KNTC1: variants seen among roughly 807,000 people sequenced by gnomAD.
The protein encoded by KNTC1 is kinetochore associated 1.
A neutral mutation model predicts 314.4 loss-of-function variants in KNTC1; 253 were observed. The ratio of observed to expected loss-of-function variants is 0.80; its 90% CI spans 0.73 to 0.89. The LOEUF (loss-of-function observed/expected upper bound fraction) is 0.89. KNTC1 is among the 40% of genes least tolerant of loss of function. The pLI is 0.00. For missense variants in KNTC1, 2,475 were observed against 2,572.9 expected (o/e 0.96, Z 0.82); for synonymous variants, 901 against 901.4 (o/e 1.00, Z 0.01).
intron 18 of KNTC1, among the ~76,000 whole-genome samples, chr12:122,561,431 G>C (rs1006678748): frequency 6.6e-6 from 1 of 151,922 alleles, no homozygotes; most frequent in Non-Finnish European, 1.5e-5. Context: ...TGACCTATGA[G>C]TATTTTTGCT....
rs1396685797 is a variant in KNTC1 at position 122,546,250 on chromosome 12, T to C, written c.744T>C (p.Ile248=). 6.3e-7 allele frequency: 1 copy of C among 1,582,386 alleles called. No individual in the cohort carries two copies. Residue 248 remains isoleucine, a synonymous_variant, in exon 9 of 64, where the codon ATT becomes ATC. Transcript: ENST00000333479. Reference sequence around the variant, plus strand: ...AAGGAATGACAGTTAAGAACCTTATTGATGCAGAGATTATTAAAGGTAAAA... The same window carrying C: ...AAGGAATGACAGTTAAGAACCTTATCGATGCAGAGATTATTAAAGGTAAAA... The part of the protein sequence containing the change: ...SKKGMTVKNL[I]DAEIIKGAKK...
At chr12:122,600,696 G>A (rs527290344) in intron 44 of KNTC1, among the ~76,000 whole-genome samples, 2 of 150,858 alleles carry the variant, frequency 1.3e-5, no homozygotes, top group South Asian at 2.1e-4. Context: ...GACATAGTCT[G>A]GTTCTTTTGT....
Position 122,591,465 on chromosome 12 carries a change from T to G in KNTC1, c.4245+12T>G. The G allele has an allele frequency of 8.1e-7, 1 of 1,240,140 alleles. No individual in the cohort carries two copies. The highest frequency in any genetic ancestry group is 1.2e-5 in the South Asian group (1 of 81,710). 76.8% of individuals were successfully genotyped at this position (1,240,140 alleles called of 1,614,324 possible). On this transcript the variant is annotated intron_variant, in intron 42 of 63. Coordinates refer to ENST00000333479, the MANE Select transcript of KNTC1 (RefSeq NM_014708.6). ...TTGGTAAACTTGGTGTGAGTATTCT[T>G]TGTACTGCTGTCATCGATTCTGTTA...
At chr12:122,622,113 C>G (rs1219104885) in intron 61 of KNTC1, 143 bp downstream of exon 61, 3 of 714,418 alleles carry the variant, frequency 4.2e-6, no homozygotes, top group Non-Finnish European at 7.1e-6. Context: ...ACTAAAACCT[C>G]AGTAAATTTT....
rs923775296 is a variant in KNTC1, at chr12:122,543,208, C to T, written c.524-392C>T. On this transcript the variant is annotated intron_variant, in intron 6 of 63. Coordinates refer to ENST00000333479, the MANE Select transcript of KNTC1 (RefSeq NM_014708.6). The stretch of plus-strand genomic sequence containing the variant: ...GATTGTAGGCATGAGCCACTGCGCC[C>T]GGCCTAAGTGATATTTTTAAAATAC... Among the ~76,000 whole-genome samples the T allele has an allele frequency of 3.3e-5, 5 of 152,198 alleles. No homozygotes were observed. The East Asian group carries it at 5.8e-4, about 18-fold the overall frequency.
intron 50 of KNTC1, 68 bp downstream of exon 50, chr12:122,605,155 T>C: frequency 7.4e-7 from 1 of 1,355,128 alleles, no homozygotes; most frequent in Non-Finnish European, 1.0e-6. Flanking sequence ...TTTATGTATA[T>C]ATGTACGTGT....
intron 39 of KNTC1, 142 bp downstream of exon 39, chr12:122,588,016 G>A: frequency 1.5e-6 from 1 of 677,850 alleles, no homozygotes; most frequent in Non-Finnish European, 2.3e-6. Flanking sequence ...CATTTGTTGA[G>A]CATCTCTAAG....
At position 122,557,652 on chromosome 12, in the gene KNTC1, A is replaced by T. The variant is rs777792491; in HGVS notation, c.1451A>T (p.Glu484Val). The T allele has an allele frequency of 6.2e-7, 1 of 1,613,456 alleles. No individual in the cohort carries two copies. ...YCLKAQWITY[E>V]TTQEMLNYAK... ...CTGAAAGCTCAGTGGATAACCTATGAAACCACTCAAGAGATGCTGAATTAT... is the reference window on the plus strand; with the variant it reads ...CTGAAAGCTCAGTGGATAACCTATGTAACCACTCAAGAGATGCTGAATTAT... The change falls in exon 18 of 64, where the codon GAA (glutamate) becomes GTA (valine). Residue 484 changes from glutamate (E) to valine (V), a missense_variant. By Grantham distance (121) the Glu-to-Val change is moderately radical (BLOSUM62 -2). Coordinates refer to ENST00000333479, the MANE Select transcript of KNTC1 (RefSeq NM_014708.6).
At chr12:122,527,506 T>G (rs1025510344) in intron 1 of KNTC1, 155 bp downstream of exon 1, 7 of 152,578 alleles carry the variant, frequency 4.6e-5, no homozygotes, top group African/African-American at 1.7e-4. Context: ...GCGGAGAGCG[T>G]TTAAGTATGG....
intron 5 of KNTC1, among the ~76,000 whole-genome samples, chr12:122,541,287 G>GCCTTCCTTCCTTCCTTCCTTCCTTCCTT (rs1555222321): frequency 1.1e-4 from 13 of 120,984 alleles, no homozygotes; most frequent in African/African-American, 2.5e-4. Context: ...CTGCCTGCCT[G>GCCTTCCTTCCTTCCTTCCTTCCTTCCTT]CCTTCCTTCC....
In KNTC1 at chr12:122,624,596, A is replaced by G. The variant is rs1226203369; in HGVS notation, c.6516-2A>G. 1 of 1,608,938 alleles carries G rather than the reference A, an allele frequency of 6.2e-7. No individual in the cohort carries two copies. The highest frequency in any genetic ancestry group is 1.3e-5 in the African/African-American group (1 of 74,770). On this transcript the variant is annotated splice_acceptor_variant, in intron 62 of 63. Transcript: ENST00000333479. LOFTEE classifies it high-confidence loss of function. The stretch of plus-strand genomic sequence containing the variant: ...CACTTCTTTTTCTTTTTGATTTTGT[A>G]GTTTAGATGAAGCTTCAGTCTTGAT...
Position 122,571,059 on chromosome 12 carries a change from A to G in KNTC1, c.1952A>G (p.Glu651Gly). 1 of 1,613,804 alleles carries G rather than the reference A, an allele frequency of 6.2e-7. No homozygotes were observed. The highest frequency in any genetic ancestry group is 8.5e-7 in the Non-Finnish European group (1 of 1,179,760). Residue 651 changes from glutamate to glycine, a missense_variant, in exon 24 of 64, where the codon GAG becomes GGG. Glu to Gly is a moderately conservative substitution (Grantham distance 98). Transcript: ENST00000333479. Reference sequence around the variant, plus strand: ...CCAGAAAATGGACTTCAATTGGCAGAGATATTTTTTACAGCAGAAAAAACA... The same window carrying G: ...CCAGAAAATGGACTTCAATTGGCAGGGATATTTTTTACAGCAGAAAAAACA... The part of the protein sequence containing the change: ...NWPENGLQLA[E>G]IFFTAEKTDE...
intron 24 of KNTC1, among the ~76,000 whole-genome samples, chr12:122,571,443 T>C (rs942772815): frequency 2.0e-5 from 3 of 151,784 alleles, no homozygotes; most frequent in African/African-American, 7.3e-5. Flanking sequence ...CACTGCACCC[T>C]CAACTTTTGG....
chr12:122,568,354 T>C lies in KNTC1; in HGVS notation c.1698T>C (p.Tyr566=). ...LKEGNLVCAQ[Y]LWLRHRANFE... is the part of the protein sequence containing the mutation. ...AAGGAAACCTTGTTTGTGCACAGTATCTTTGGCTTCGACATCGGGTAACAT... is the reference window on the plus strand; with the variant it reads ...AAGGAAACCTTGTTTGTGCACAGTACCTTTGGCTTCGACATCGGGTAACAT... The change falls in exon 21 of 64, where the codon TAT becomes TAC. Residue 566 remains tyrosine (Y), a synonymous_variant. Coordinates refer to ENST00000333479, the MANE Select transcript of KNTC1 (RefSeq NM_014708.6). The C allele has an allele frequency of 6.3e-7, 1 of 1,591,920 alleles. No individual in the cohort carries two copies. The highest frequency in any genetic ancestry group is 8.6e-7 in the Non-Finnish European group (1 of 1,160,754).
chr12:122,610,809 AT>A lies in KNTC1; in HGVS notation c.5544-5del, dbSNP rs779313502. Reference sequence around the variant, plus strand: ...AAATTAAAAAATGACTGTAATTAAAATTTTTTTTCCAGAGTGCAGTATCTCC... The same window carrying A: ...AAATTAAAAAATGACTGTAATTAAAATTTTTTTCCAGAGTGCAGTATCTCC... On this transcript the variant is annotated splice_polypyrimidine_tract_variant and intron_variant, in intron 52 of 63. Coordinates refer to ENST00000333479, the MANE Select transcript of KNTC1 (RefSeq NM_014708.6). 21 of 1,577,924 alleles carry A rather than the reference AT, an allele frequency of 1.3e-5. No homozygotes were observed. The highest frequency in any genetic ancestry group is 1.7e-5 in the Non-Finnish European group (19 of 1,150,416).
chr12:122,558,059 G>A (rs1201121453), intron 18 of KNTC1, among the ~76,000 whole-genome samples: 2 of 152,074 alleles, frequency 1.3e-5, no homozygotes, highest in Non-Finnish European at 2.9e-5. Flanking sequence ...AGACCAGCCT[G>A]GCCAACATGG....
Position 122,604,958 on chromosome 12 carries a change from A to T in KNTC1, c.5257A>T (p.Ile1753Leu). ...YRRSGTEAVLIAHKLNTEEYL... is the reference protein window; with the variant it reads ...YRRSGTEAVLLAHKLNTEEYL... ...GCGATCGGGCACAGAAGCTGTGCTC[A>T]TAGCCCACAAGCTGAACACTGAGGA... The change falls in exon 50 of 64, where the codon ATA becomes TTA. Residue 1753 changes from isoleucine (I) to leucine (L), a missense_variant. Ile to Leu is a conservative substitution (Grantham distance 5, BLOSUM62 2). Coordinates refer to ENST00000333479, the MANE Select transcript of KNTC1 (RefSeq NM_014708.6). The T allele has an allele frequency of 6.2e-7, 1 of 1,612,324 alleles. No individual in the cohort carries two copies.
chr12:122,594,776 G>C (rs2138069083), intron 43 of KNTC1, among the ~76,000 whole-genome samples: 1 of 152,208 alleles, frequency 6.6e-6, no homozygotes, highest in South Asian at 2.1e-4. Context: ...TTCTAAATCA[G>C]GTTAACTAGG....
At chr12:122,528,359 A>G (rs1401010568) in intron 1 of KNTC1, among the ~76,000 whole-genome samples, 2 of 152,232 alleles carry the variant, frequency 1.3e-5, no homozygotes, top group African/African-American at 4.8e-5. Flanking sequence ...AAACATTTAT[A>G]AAACTATGAT....
Sources: gnomAD v4.1 joint callset for allele counts (sites outside exome capture counted in the v4.1 genomes callset) on GRCh38, gnomAD v4.1.1 for gene constraint, MANE v1.5 for transcripts, NCBI Gene and HGNC (gene_info 2026-07-23, HGNC 2026-07-21) for gene names.